The following NALF1 variants were observed in gnomAD, a reference collection of about 807,000 sequenced individuals.
The protein encoded by NALF1 is family with sequence similarity 155 member A.
In NALF1, 3 loss-of-function variants were observed where a neutral mutation model predicts 48.4. That is an observed-to-expected ratio of 0.06 (90% CI 0.03 to 0.16). NALF1 has a LOEUF of 0.16. NALF1 is among the 10% of genes least tolerant of loss of function. The pLI, the probability that NALF1 is intolerant of heterozygous loss-of-function variation, is 1.00. For synonymous variants in NALF1, 262 were observed against 245.7 expected, an observed-to-expected ratio of 1.07 and a Z score of -0.62; for missense variants, 526 against 571.5, an observed-to-expected ratio of 0.92 and a Z score of 0.81.
At chr13:107,293,523 T>G (rs906177747) in intron 1 of NALF1, among the ~76,000 whole-genome samples, 5 of 152,190 alleles carry the variant, frequency 3.3e-5, no homozygotes, top group Admixed American at 6.5e-5. Flanking sequence ...TTGCCTGATC[T>G]CCAGCATAGA....
chr13:107,667,940 T>C (rs1212820440), intron 1 of NALF1, among the ~76,000 whole-genome samples: 2 of 152,180 alleles, frequency 1.3e-5, no homozygotes, highest in East Asian at 3.8e-4. Flanking sequence ...TTTCTTGTTA[T>C]ATATTTATCT....
intron 1 of NALF1, among the ~76,000 whole-genome samples, chr13:107,844,538 C>G (rs1880122636): frequency 6.6e-6 from 1 of 152,126 alleles, no homozygotes; most frequent in Non-Finnish European, 1.5e-5. Context: ...TTGCTACAGA[C>G]TAGCTCTTCA....
intron 1 of NALF1, among the ~76,000 whole-genome samples, chr13:107,701,579 C>T (rs955486677): frequency 6.6e-6 from 1 of 151,844 alleles, no homozygotes; most frequent in Non-Finnish European, 1.5e-5. Flanking sequence ...GGTGGGGTCA[C>T]AGAAGAGGAA....
At chr13:107,743,234 C>T (rs1006399676) in intron 1 of NALF1, among the ~76,000 whole-genome samples, 3 of 152,226 alleles carry the variant, frequency 2.0e-5, no homozygotes, top group Non-Finnish European at 2.9e-5. Context: ...CCTTAACACA[C>T]ATCCTTTCCT....
chr13:107,300,508 C>T (rs1177192252), intron 1 of NALF1, among the ~76,000 whole-genome samples: 1 of 152,126 alleles, frequency 6.6e-6, no homozygotes, highest in Non-Finnish European at 1.5e-5. Context: ...TTCTAAATGA[C>T]AGAAAATGAG....
chr13:107,581,386 C>T (rs1451157690), intron 1 of NALF1, among the ~76,000 whole-genome samples: 1 of 152,166 alleles, frequency 6.6e-6, no homozygotes, highest in Non-Finnish European at 1.5e-5. Context: ...TTTGAGCTTC[C>T]TACTTAGCAT....
intron 1 of NALF1, among the ~76,000 whole-genome samples, chr13:107,744,961 C>T (rs926126100): frequency 3.9e-5 from 6 of 152,166 alleles, no homozygotes; most frequent in African/African-American, 1.2e-4. Context: ...CCTGAACGTA[C>T]GACTCTACCA....
At chr13:107,179,346 A>G (rs1879011602) in intron 2 of NALF1, among the ~76,000 whole-genome samples, 1 of 152,166 alleles carries the variant, frequency 6.6e-6, no homozygotes, top group Non-Finnish European at 1.5e-5. Context: ...AGAAAATAGA[A>G]TAATGTTTAC....
intron 1 of NALF1, among the ~76,000 whole-genome samples, chr13:107,800,645 GATATATA>G (rs201008942): frequency 0.028 from 4,102 of 145,686 alleles, 187 homozygotes; most frequent in African/African-American, 0.096. Flanking sequence ...ATACATATAA[GATATATA>G]ATATATAATA....
At chr13:107,445,071 T>G (rs370752879) in intron 1 of NALF1, among the ~76,000 whole-genome samples, 1 of 152,204 alleles carries the variant, frequency 6.6e-6, no homozygotes, top group Admixed American at 6.5e-5. Flanking sequence ...AATTTGACTT[T>G]GGTGCAATCC....
chr13:107,214,640 C>T (rs1188875630), intron 1 of NALF1, among the ~76,000 whole-genome samples: 2 of 152,184 alleles, frequency 1.3e-5, no homozygotes, highest in Non-Finnish European at 2.9e-5. Flanking sequence ...AATGGCCCAC[C>T]GCCCCCACGC....
intron 1 of NALF1, among the ~76,000 whole-genome samples, chr13:107,706,028 C>G (rs932241235): frequency 1.3e-5 from 2 of 152,090 alleles, no homozygotes; most frequent in African/African-American, 4.8e-5. Flanking sequence ...AAGCTTAACT[C>G]AAGAAAGAAT....
chr13:107,635,528 G>GT (rs1373240352), intron 1 of NALF1, among the ~76,000 whole-genome samples: 1 of 152,030 alleles, frequency 6.6e-6, no homozygotes, highest in Non-Finnish European at 1.5e-5. Flanking sequence ...CAGCAAAACC[G>GT]TATCATTTAC....
intron 1 of NALF1, among the ~76,000 whole-genome samples, chr13:107,458,313 GA>G (rs1884857981): frequency 6.6e-6 from 1 of 152,196 alleles, no homozygotes; most frequent in Non-Finnish European, 1.5e-5. Context: ...AGGGGACCAG[GA>G]AAGCTCTGGC....
intron 1 of NALF1, among the ~76,000 whole-genome samples, chr13:107,244,159 T>C (rs902157761): frequency 3.3e-5 from 5 of 152,364 alleles, no homozygotes; most frequent in Admixed American, 2.6e-4. Flanking sequence ...CTCCTGTTCA[T>C]ACTGACTCTG....
intron 1 of NALF1, among the ~76,000 whole-genome samples, chr13:107,698,123 T>G (rs1441301069): frequency 1.3e-5 from 2 of 152,202 alleles, no homozygotes; most frequent in African/African-American, 2.4e-5. Flanking sequence ...TTTTTACTGA[T>G]AGCAATTACT....
intron 1 of NALF1, among the ~76,000 whole-genome samples, chr13:107,398,471 C>T (rs1883750960): frequency 6.6e-6 from 1 of 151,034 alleles, no homozygotes; most frequent in South Asian, 2.1e-4. Flanking sequence ...CTCATGGATA[C>T]TTCTGGAAAC....
intron 1 of NALF1, among the ~76,000 whole-genome samples, chr13:107,815,455 A>G (rs1388992661): frequency 1.3e-5 from 2 of 152,206 alleles, no homozygotes; most frequent in African/African-American, 4.8e-5. Context: ...CAAAACCTAA[A>G]TAAGATACCA....
chr13:107,632,147 T>G (rs1469687941), intron 1 of NALF1, among the ~76,000 whole-genome samples: 2 of 152,198 alleles, frequency 1.3e-5, no homozygotes. Flanking sequence ...ATCAGGGTAT[T>G]ATAAGTGTCT....
Sources: allele counts gnomAD v4.1 joint callset (sites outside exome capture counted in the v4.1 genomes callset), GRCh38; gene constraint gnomAD v4.1.1; transcripts MANE v1.5; gene names NCBI Gene and HGNC (gene_info 2026-07-23, HGNC 2026-07-21).